The following MYH15 variants were observed in gnomAD, a reference collection of about 807,000 sequenced individuals.
MYH15 encodes the protein myosin heavy chain 15, also known as myosin-15.
MYH15 carries 227 observed loss-of-function variants against 240.5 expected under a neutral mutation model. That is an observed-to-expected ratio of 0.94 (90% CI 0.85 to 1.05). The LOEUF (loss-of-function observed/expected upper bound fraction) is 1.05, where lower values mean the gene tolerates loss of function less well. MYH15 is among the 50% of genes least tolerant of loss of function. MYH15 has a pLI of 0.00. For missense variants in MYH15, 2,217 were observed against 2,247.5 expected (o/e 0.99, Z 0.27); for synonymous variants, 785 against 796.7 (o/e 0.99, Z 0.25).
chr3:108,499,350 T>G (rs2083419242), intron 5 of MYH15, 105 bp downstream of exon 5: 1 of 1,177,912 alleles, frequency 8.5e-7, no homozygotes, highest in East Asian at 2.4e-5. Flanking sequence ...AAAGGGCAAT[T>G]AATTCAAAGA....
chr3:108,462,152 G>C (rs2083076558), intron 16 of MYH15, among the ~76,000 whole-genome samples: 1 of 152,142 alleles, frequency 6.6e-6, no homozygotes, highest in South Asian at 2.1e-4. Context: ...GTCGATCTGT[G>C]ACTTTTGCTG....
intron 9 of MYH15, among the ~76,000 whole-genome samples, chr3:108,491,363 C>A (rs946403862): frequency 1.3e-5 from 2 of 152,158 alleles, no homozygotes; most frequent in African/African-American, 2.4e-5. Flanking sequence ...ACATGAAATT[C>A]ATTCCCTTAT....
At chr3:108,541,795 T>C in the MYH15 span, among the ~76,000 whole-genome samples, 1 of 152,122 alleles carries the variant, frequency 6.6e-6, no homozygotes, top group Non-Finnish European at 1.5e-5. Flanking sequence ...CAATGAAATA[T>C]TATGAAACTG....
At chr3:108,438,167 A>G (rs1320512262) in intron 24 of MYH15, among the ~76,000 whole-genome samples, 1 of 152,206 alleles carries the variant, frequency 6.6e-6, no homozygotes, top group African/African-American at 2.4e-5. Flanking sequence ...ATCATCCTTA[A>G]TAATTTGCAA....
intron 27 of MYH15, among the ~76,000 whole-genome samples, chr3:108,422,184 T>C (rs79741083): frequency 0.018 from 2,802 of 152,206 alleles, 43 homozygotes; most frequent in Admixed American, 0.031. Flanking sequence ...CATAGCTGTT[T>C]TGATGAAACT....
chr3:108,515,586 C>T (rs879493190), upstream of MYH15, among the ~76,000 whole-genome samples: 6 of 152,276 alleles, frequency 3.9e-5, no homozygotes, highest in Admixed American at 3.9e-4. Flanking sequence ...CCTTAACTAA[C>T]GCATTATGTC....
At chr3:108,538,644 TAAAG>T in the MYH15 span, among the ~76,000 whole-genome samples, 1 of 152,274 alleles carries the variant, frequency 6.6e-6, no homozygotes, top group Non-Finnish European at 1.5e-5. Flanking sequence ...AAATTTGAAA[TAAAG>T]AAATAAAACT....
rs1212374312 is a variant in MYH15 at position 108,495,833 on chromosome 3, A to G, written c.658T>C (p.Leu220=). ...EDQIMQANTI[L]EAFGNAKTLR... ...GTTTTAGCATTTCCAAATGCTTCCA[A>G]GATAGTATTCGCTTGCATGATTTGA... is the stretch of plus-strand genomic sequence containing the variant. Residue 220 remains leucine, a synonymous_variant, in exon 7 of 41, where the codon TTG becomes CTG. Transcript: ENST00000693548. 6.2e-7 allele frequency: 1 copy of G among 1,612,786 alleles called. No individual in the cohort carries two copies. The highest frequency in any genetic ancestry group is 1.3e-5 in the African/African-American group (1 of 75,032).
At position 108,444,155 on chromosome 3, in the gene MYH15, AAATT is replaced by A. The variant is rs533760736; in HGVS notation, c.2655+481_2655+484del. ...TAAAACTTAAAGTATAATAATAATAAAATTAATTAATTAATTAATTTTTTTAAAA... is the reference window on the plus strand; with the variant it reads ...TAAAACTTAAAGTATAATAATAATAAAATTAATTAATTAATTTTTTTAAAA... On this transcript the variant is annotated intron_variant, in intron 22 of 40. Coordinates refer to ENST00000693548, the MANE Select transcript of MYH15 (RefSeq NM_014981.3). Among the ~76,000 whole-genome samples the A allele has an allele frequency of 5.6e-3, 851 of 151,744 alleles. 8 individuals are homozygous for A. Among genetic ancestry groups the A allele is most frequent in the African/African-American group, 0.015 (622 of 41,412 alleles).
chr3:108,500,761 A>C (rs2083430399), intron 3 of MYH15, among the ~76,000 whole-genome samples: 2 of 152,202 alleles, frequency 1.3e-5, no homozygotes, highest in South Asian at 4.1e-4. Context: ...TTATTTGGAA[A>C]AAATAGTCTT....
chr3:108,401,562 G>T (rs919061080), intron 33 of MYH15, among the ~76,000 whole-genome samples: 2 of 152,220 alleles, frequency 1.3e-5, no homozygotes, highest in African/African-American at 4.8e-5. Context: ...ACCAAAATCT[G>T]TCAGACACTT....
At position 108,451,358 on chromosome 3, in the gene MYH15, C is replaced by T. The variant is rs146695072; in HGVS notation, c.2399+2648G>A. Among the ~76,000 whole-genome samples, 167 of 150,940 alleles carry T rather than the reference C, an allele frequency of 1.1e-3. 1 individual carries two copies. The highest frequency in any genetic ancestry group is 3.4e-3 in the Middle Eastern group (1 of 294). ...TCATGCCACTGCCCTCCAGCCTGGG[C>T]GATAGAGAGAGACTCTGTCTCAAAA... On this transcript the variant is annotated intron_variant, in intron 21 of 40. Coordinates refer to ENST00000693548, the MANE Select transcript of MYH15 (RefSeq NM_014981.3).
chr3:108,502,845 T>C (rs936467098), intron 2 of MYH15, among the ~76,000 whole-genome samples: 12 of 152,184 alleles, frequency 7.9e-5, no homozygotes, highest in African/African-American at 2.4e-4. Context: ...CCTCTTCTTT[T>C]GAGTCCCTTC....
At chr3:108,474,774 C>T (rs1008302366) in intron 12 of MYH15, among the ~76,000 whole-genome samples, 1 of 152,160 alleles carries the variant, frequency 6.6e-6, no homozygotes, top group Non-Finnish European at 1.5e-5. Context: ...CTGAACAACT[C>T]TAACCCCCTG....
intron 22 of MYH15, among the ~76,000 whole-genome samples, chr3:108,444,325 C>G (rs2082909310): frequency 6.6e-6 from 1 of 152,064 alleles, no homozygotes; most frequent in South Asian, 2.1e-4. Context: ...ATCCTGTCTG[C>G]TGATTTGCTA....
In MYH15 at chr3:108,460,203, A is replaced by G. The variant is rs1016270893; in HGVS notation, c.1932+97T>C. On this transcript the variant is annotated intron_variant, in intron 17 of 40. Coordinates refer to ENST00000693548, the MANE Select transcript of MYH15 (RefSeq NM_014981.3). ...CTTTTCCAACTTGCTAGCTCCTGAT[A>G]CTTTATCCTTATTTGAAGATGTGAA... 4 of 1,096,864 alleles carry G rather than the reference A, an allele frequency of 3.6e-6. No homozygotes were observed. In the African/African-American group the frequency reaches 4.8e-5, roughly 13 times the overall value. 67.9% of individuals were successfully genotyped at this position (1,096,864 alleles called of 1,614,324 possible).
chr3:108,430,923 CTG>C lies in MYH15; in HGVS notation c.3222-3_3222-2del, dbSNP rs2082773730. On this transcript the variant is annotated splice_acceptor_variant and splice_polypyrimidine_tract_variant and intron_variant, in intron 25 of 40. Transcript: ENST00000693548. LOFTEE classifies it high-confidence loss of function. ...CATCTGACTCAATTCTAATTCTTTT[CTG>C]TTTAGAAAAAGATATCAAATACAAT... The C allele has an allele frequency of 4.4e-6, 7 of 1,596,502 alleles. No individual in the cohort carries two copies. Among genetic ancestry groups the C allele is most frequent in the Non-Finnish European group, 3.4e-6 (4 of 1,166,546 alleles).
At chr3:108,400,893 A>G (rs983567710) in intron 33 of MYH15, among the ~76,000 whole-genome samples, 1 of 152,164 alleles carries the variant, frequency 6.6e-6, no homozygotes, top group African/African-American at 2.4e-5. Flanking sequence ...TGGAGGTGCT[A>G]CTTTTCGTGA....
intron 29 of MYH15, among the ~76,000 whole-genome samples, chr3:108,416,045 A>C (rs375597578): frequency 6.6e-6 from 1 of 152,220 alleles, no homozygotes; most frequent in East Asian, 1.9e-4. Context: ...TATCTGCTTC[A>C]TTTGACTGAT....
Sources: gnomAD v4.1 joint callset for allele counts (sites outside exome capture counted in the v4.1 genomes callset) on GRCh38, gnomAD v4.1.1 for gene constraint, MANE v1.5 for transcripts, NCBI Gene and HGNC (gene_info 2026-07-23, HGNC 2026-07-21) for gene names.